The following MEGF10 variants were observed in gnomAD, a reference collection of about 807,000 sequenced individuals.
MEGF10 encodes multiple epidermal growth factor-like domains protein 10.
Under a neutral mutation model 147.5 loss-of-function variants are expected in MEGF10, and 86 were observed. The ratio of observed to expected loss-of-function variants is 0.58; its 90% CI spans 0.49 to 0.70. MEGF10 has a LOEUF of 0.70. Among genes scored for constraint, MEGF10 ranks in the 30% least tolerant of loss-of-function variants. MEGF10 has a pLI of 0.00. For synonymous variants in MEGF10, 478 were observed against 525.5 expected, an observed-to-expected ratio of 0.91 and a Z score of 1.24; for missense variants, 1,329 against 1,487.3, an observed-to-expected ratio of 0.89 and a Z score of 1.75.
At chr5:127,329,394 T>C (rs1189079805) in intron 1 of MEGF10, among the ~76,000 whole-genome samples, 1 of 152,172 alleles carries the variant, frequency 6.6e-6, no homozygotes, top group Non-Finnish European at 1.5e-5. Context: ...TTAGCCTTTG[T>C]TGAGTCAGCA....
chr5:127,290,656 C>G (rs1369626445), upstream of MEGF10, among the ~76,000 whole-genome samples: 3 of 152,212 alleles, frequency 2.0e-5, no homozygotes, highest in Non-Finnish European at 4.4e-5. Context: ...CTGCATGTTG[C>G]GCTAGGGACT....
intron 1 of MEGF10, among the ~76,000 whole-genome samples, chr5:127,313,791 G>A (rs1270696149): frequency 6.6e-6 from 1 of 152,142 alleles, no homozygotes; most frequent in Non-Finnish European, 1.5e-5. Context: ...CAGATACATT[G>A]GGGAAGACTT....
the MEGF10 span, among the ~76,000 whole-genome samples, chr5:127,283,171 A>T: frequency 6.6e-6 from 1 of 152,216 alleles, no homozygotes; most frequent in Non-Finnish European, 1.5e-5. Context: ...AGAAGATCAT[A>T]CTACAGGAAA....
At chr5:127,309,339 T>C (rs1044050805) in intron 1 of MEGF10, among the ~76,000 whole-genome samples, 3 of 152,240 alleles carry the variant, frequency 2.0e-5, no homozygotes, top group Admixed American at 2.0e-4. Context: ...TTCTGTGGCA[T>C]TTTAAATACA....
At chr5:127,392,947 A>G (rs1259348754) in intron 5 of MEGF10, among the ~76,000 whole-genome samples, 1 of 152,236 alleles carries the variant, frequency 6.6e-6, no homozygotes, top group Non-Finnish European at 1.5e-5. Flanking sequence ...TGCATCTGAG[A>G]GCCCATTTCC....
At chr5:127,378,229 A>G (rs944593833) in intron 5 of MEGF10, among the ~76,000 whole-genome samples, 2 of 152,288 alleles carry the variant, frequency 1.3e-5, no homozygotes, top group African/African-American at 2.4e-5. Context: ...AAGAATATCT[A>G]TTATACTCAT....
intron 9 of MEGF10, among the ~76,000 whole-genome samples, chr5:127,412,546 A>G (rs1764614595): frequency 6.6e-6 from 1 of 152,234 alleles, no homozygotes; most frequent in Non-Finnish European, 1.5e-5. Flanking sequence ...AATTAATGAG[A>G]TAACAAATAC....
intron 5 of MEGF10, among the ~76,000 whole-genome samples, chr5:127,377,159 A>G (rs1032107071): frequency 1.3e-5 from 2 of 152,198 alleles, no homozygotes; most frequent in Non-Finnish European, 2.9e-5. Context: ...GATTTTATGT[A>G]TGACTTACTT....
chr5:127,457,708 G>T lies in MEGF10; in HGVS notation c.*390G>T. The T allele has an allele frequency of 5.8e-6, 1 of 171,918 alleles. No homozygotes were observed. Among genetic ancestry groups the T allele is most frequent in the Non-Finnish European group, 1.3e-5 (1 of 79,934 alleles). 10.6% of individuals were successfully genotyped at this position (171,918 alleles called of 1,614,324 possible). A position where few individuals can be genotyped will look rare whatever the true frequency, so the allele number is the denominator to read the frequency against. On this transcript the variant is annotated 3_prime_UTR_variant, in exon 25 of 25. Coordinates refer to ENST00000503335, the MANE Select transcript of MEGF10 (RefSeq NM_001256545.2). ...CATTTGCATCATACAGCTCTACCTA[G>T]GATTGTACAGTTTACCATAAAATTT...
chr5:127,248,393 C>A, the MEGF10 span, among the ~76,000 whole-genome samples: 1 of 151,752 alleles, frequency 6.6e-6, no homozygotes, highest in African/African-American at 2.4e-5. Context: ...TAAAAAAATA[C>A]AATAGAAAGA....
In MEGF10 at chr5:127,368,823, T is replaced by C. The variant is rs369063334; in HGVS notation, c.320-1087T>C. Among the ~76,000 whole-genome samples, 4 of 152,108 alleles carry C rather than the reference T, an allele frequency of 2.6e-5. No individual in the cohort carries two copies. In the South Asian group the frequency reaches 8.3e-4, roughly 31 times the overall value. ...CATAAATCACATATATTAATATTAA[T>C]GACATGGAAATATTACTGCCATTAT... is the stretch of plus-strand genomic sequence containing the variant. On this transcript the variant is annotated intron_variant, in intron 4 of 24. Coordinates refer to ENST00000503335, the MANE Select transcript of MEGF10 (RefSeq NM_001256545.2).
At chr5:127,284,265 T>C in the MEGF10 span, among the ~76,000 whole-genome samples, 149 of 152,316 alleles carry the variant, frequency 9.8e-4, no homozygotes, top group African/African-American at 3.5e-3. Flanking sequence ...TAATCCTCTA[T>C]GTCCCTTGGC....
At chr5:127,450,546 C>A (rs1017885716) in intron 22 of MEGF10, among the ~76,000 whole-genome samples, 6 of 152,078 alleles carry the variant, frequency 3.9e-5, no homozygotes, top group African/African-American at 1.4e-4. Context: ...TTACGGATAG[C>A]AAATCCTTTC....
At chr5:127,416,800 G>A (rs764178830) in intron 9 of MEGF10, among the ~76,000 whole-genome samples, 2 of 152,130 alleles carry the variant, frequency 1.3e-5, no homozygotes, top group African/African-American at 2.4e-5. Flanking sequence ...TGGGAGAACT[G>A]GGATTACATC....
chr5:127,282,191 AG>A, the MEGF10 span, among the ~76,000 whole-genome samples: 4 of 152,074 alleles, frequency 2.6e-5, no homozygotes, highest in Admixed American at 6.5e-5. Flanking sequence ...CTGTCATAGG[AG>A]GGTAGAAATA....
intron 4 of MEGF10, among the ~76,000 whole-genome samples, chr5:127,358,690 A>C (rs1002117995): frequency 3.9e-5 from 6 of 152,140 alleles, no homozygotes; most frequent in Admixed American, 6.5e-5. Context: ...TTCCCTAAAC[A>C]ATATGCTGAC....
At chr5:127,271,817 T>TA in the MEGF10 span, among the ~76,000 whole-genome samples, 1 of 152,240 alleles carries the variant, frequency 6.6e-6, no homozygotes, top group Non-Finnish European at 1.5e-5. Context: ...ACGAATCAAT[T>TA]AAATCTCTTT....
At chr5:127,255,887 T>C in the MEGF10 span, among the ~76,000 whole-genome samples, 1 of 152,228 alleles carries the variant, frequency 6.6e-6, no homozygotes, top group African/African-American at 2.4e-5. Flanking sequence ...TCCTCTTTCA[T>C]GGTTTACAAC....
intron 5 of MEGF10, among the ~76,000 whole-genome samples, chr5:127,381,610 T>C (rs1283501935): frequency 1.3e-5 from 2 of 152,344 alleles, no homozygotes; most frequent in African/African-American, 2.4e-5. Context: ...CCACTGTCCA[T>C]TGGCTGAAAC....
Sources: allele counts gnomAD v4.1 joint callset (sites outside exome capture counted in the v4.1 genomes callset), GRCh38; gene constraint gnomAD v4.1.1; transcripts MANE v1.5; gene names NCBI Gene and HGNC (gene_info 2026-07-23, HGNC 2026-07-21).